Variants in FBXL2 observed in about 807,000 individuals in gnomAD.
FBXL2 encodes the protein F-box and leucine rich repeat protein 2, also known as F-box/LRR-repeat protein 2.
A neutral mutation model predicts 69.2 loss-of-function variants in FBXL2; 38 were observed. The ratio of observed to expected loss-of-function variants is 0.55; its 90% CI spans 0.42 to 0.72. FBXL2 has a LOEUF of 0.72. Ranked by LOEUF, FBXL2 falls within the 30% of genes least tolerant of loss-of-function variation. The pLI is 0.00. For synonymous variants in FBXL2, 192 were observed against 201.3 expected (o/e 0.95, Z 0.39); for missense variants, 354 against 520.3 (o/e 0.68, Z 3.11).
downstream of FBXL2, among the ~76,000 whole-genome samples, chr3:33,405,762 A>G (rs1031235482): frequency 6.6e-6 from 1 of 152,080 alleles, no homozygotes; most frequent in Non-Finnish European, 1.5e-5. Flanking sequence ...CACTGTCTCT[A>G]AAAAAATTTA....
chr3:33,406,274 C>T (rs1339377884), downstream of FBXL2, among the ~76,000 whole-genome samples: 1 of 152,066 alleles, frequency 6.6e-6, no homozygotes, highest in Non-Finnish European at 1.5e-5. Flanking sequence ...AAAAACTAGA[C>T]CCTTGTTTTT....
intron 10 of FBXL2, among the ~76,000 whole-genome samples, chr3:33,375,745 ACAT>A (rs1441316029): frequency 6.6e-6 from 1 of 152,202 alleles, no homozygotes; most frequent in African/African-American, 2.4e-5. Context: ...TGATAGCCTC[ACAT>A]CCAAAGGACA....
At chr3:33,400,940 GT>G in intron 12 of FBXL2, 1 of 1,591,678 alleles carries the variant, frequency 6.3e-7, no homozygotes. Flanking sequence ...GCATCAGATA[GT>G]TTTAGGAGAA....
chr3:33,383,724 C>A, intron 13 of FBXL2: 1 of 440,420 alleles, frequency 2.3e-6, no homozygotes, highest in Non-Finnish European at 4.2e-6. Flanking sequence ...CCAAAGGGCC[C>A]CAAGGCTTTG....
chr3:33,409,563 G>A, the FBXL2 span: 104 of 1,614,132 alleles, frequency 6.4e-5, no homozygotes, highest in African/African-American at 4.9e-4. Context: ...TTTCACCTCC[G>A]TGCTTCCGTG....
At chr3:33,400,498 G>A (rs2044183565) in intron 12 of FBXL2, among the ~76,000 whole-genome samples, 1 of 152,118 alleles carries the variant, frequency 6.6e-6, no homozygotes, top group Non-Finnish European at 1.5e-5. Flanking sequence ...AAATCATGCC[G>A]CTGCTAATGA....
At chr3:33,335,734 T>C (rs1351325458) in intron 2 of FBXL2, among the ~76,000 whole-genome samples, 3 of 152,052 alleles carry the variant, frequency 2.0e-5, no homozygotes, top group Non-Finnish European at 4.4e-5. Context: ...AAAAAGTAGA[T>C]GGGACAAATG....
At chr3:33,335,526 C>A (rs532744306) in intron 2 of FBXL2, among the ~76,000 whole-genome samples, 1 of 151,804 alleles carries the variant, frequency 6.6e-6, no homozygotes, top group Non-Finnish European at 1.5e-5. Flanking sequence ...GGTGACAGAA[C>A]GAGACCCTGT....
At chr3:33,403,072 A>G (rs915827463) in intron 12 of FBXL2, among the ~76,000 whole-genome samples, 17 of 152,210 alleles carry the variant, frequency 1.1e-4, no homozygotes, top group African/African-American at 4.1e-4. Flanking sequence ...TGTGGCAAAG[A>G]AAAGTTTTAC....
chr3:33,283,396 G>A (rs1237230432), intron 1 of FBXL2, among the ~76,000 whole-genome samples: 1 of 152,224 alleles, frequency 6.6e-6, no homozygotes, highest in Non-Finnish European at 1.5e-5. Flanking sequence ...CAGTGATGAA[G>A]CCAACTTGAT....
intron 12 of FBXL2, among the ~76,000 whole-genome samples, chr3:33,401,714 C>G (rs1345765901): frequency 6.6e-6 from 1 of 152,202 alleles, no homozygotes; most frequent in Non-Finnish European, 1.5e-5. Context: ...GGGGGTCTGT[C>G]TGTTTGGGCA....
intron 12 of FBXL2, chr3:33,397,345 G>A: frequency 2.5e-6 from 1 of 401,808 alleles, no homozygotes; most frequent in Non-Finnish European, 4.4e-6. Context: ...TATCAAGAAG[G>A]AGCTTAGAAG....
chr3:33,361,990 G>C (rs777407919), intron 4 of FBXL2, among the ~76,000 whole-genome samples: 1 of 152,180 alleles, frequency 6.6e-6, no homozygotes, highest in African/African-American at 2.4e-5. Flanking sequence ...AATATTTGTT[G>C]TGTGCCTGAC....
chr3:33,379,271 G>T (rs1181508129), intron 13 of FBXL2, among the ~76,000 whole-genome samples: 1 of 149,252 alleles, frequency 6.7e-6, no homozygotes, highest in Non-Finnish European at 1.5e-5. Flanking sequence ...CAAAGTGCTG[G>T]GATTACAGGT....
At chr3:33,293,680 T>G (rs1256869046) in intron 1 of FBXL2, among the ~76,000 whole-genome samples, 2 of 152,184 alleles carry the variant, frequency 1.3e-5, no homozygotes, top group African/African-American at 4.8e-5. Context: ...CTCACAACTT[T>G]GATTCACTAG....
intron 5 of FBXL2, among the ~76,000 whole-genome samples, chr3:33,367,375 C>T (rs2042021417): frequency 6.6e-6 from 1 of 152,176 alleles, no homozygotes; most frequent in Non-Finnish European, 1.5e-5. Context: ...AGCCACCGCA[C>T]CCGGCCTCAA....
chr3:33,283,517 G>A (rs1575584304), intron 1 of FBXL2, among the ~76,000 whole-genome samples: 1 of 152,110 alleles, frequency 6.6e-6, no homozygotes, highest in South Asian at 2.1e-4. Context: ...CTCTTTTTTT[G>A]TTGTGTCTCT....
intron 2 of FBXL2, among the ~76,000 whole-genome samples, chr3:33,347,047 A>G (rs890274908): frequency 1.3e-5 from 2 of 152,132 alleles, no homozygotes; most frequent in South Asian, 4.1e-4. Context: ...ATCAAATACT[A>G]GGTCTTATTC....
intron 4 of FBXL2, among the ~76,000 whole-genome samples, chr3:33,361,037 T>C (rs1357360760): frequency 1.4e-5 from 2 of 148,000 alleles, no homozygotes; most frequent in African/African-American, 4.9e-5. Context: ...GTTCATGCGA[T>C]TCTCCTGCCT....
Sources: gnomAD v4.1 joint callset for allele counts (sites outside exome capture counted in the v4.1 genomes callset) on GRCh38, gnomAD v4.1.1 for gene constraint, MANE v1.5 for transcripts, NCBI Gene and HGNC (gene_info 2026-07-23, HGNC 2026-07-21) for gene names.